Variants in ITPR1 observed in about 807,000 individuals in gnomAD.
The protein encoded by ITPR1 is inositol 1,4,5-trisphosphate-gated calcium channel ITPR1.
A neutral mutation model predicts 318.4 loss-of-function variants in ITPR1; 96 were observed. That is an observed-to-expected ratio of 0.30 (90% CI 0.26 to 0.36). ITPR1 has a LOEUF of 0.36. Among genes scored for constraint, ITPR1 ranks in the 10% least tolerant of loss-of-function variants. The probability of loss-of-function intolerance (pLI) is 1.00; values close to 1 mark genes in which losing one functional copy is unlikely to be tolerated. For missense variants in ITPR1, 2,440 were observed against 3,460.2 expected, an observed-to-expected ratio of 0.71 and a Z score of 7.40; for synonymous variants, 1,312 against 1,289.9, an observed-to-expected ratio of 1.02 and a Z score of -0.37.
chr3:4,701,826 A>G (rs2094658934), intron 35 of ITPR1, among the ~76,000 whole-genome samples: 1 of 152,118 alleles, frequency 6.6e-6, no homozygotes, highest in Non-Finnish European at 1.5e-5. Flanking sequence ...GATTATCTGA[A>G]CCATGTTTAT....
intron 39 of ITPR1, among the ~76,000 whole-genome samples, chr3:4,715,122 A>T (rs1338592673): frequency 6.6e-6 from 1 of 152,182 alleles, no homozygotes; most frequent in Non-Finnish European, 1.5e-5. Flanking sequence ...GAGCTACAGA[A>T]TTTGCCCGGG....
rs145877582 is a variant in ITPR1, at chr3:4,532,538, T to G, written c.163+11444T>G. ...GGCGTGTGTCACCACACCCAGCTAA[T>G]TTTTGTATTTTTTGTAGAGACGGGG... On this transcript the variant is annotated intron_variant, in intron 4 of 61. Transcript: ENST00000649015. Among the ~76,000 whole-genome samples, 999 of 152,174 alleles carry G rather than the reference T, an allele frequency of 6.6e-3. 20 individuals are homozygous for G. Among genetic ancestry groups the G allele is most frequent in the African/African-American group, 0.023 (948 of 41,504 alleles).
Position 4,710,338 on chromosome 3 carries a change from C to G in ITPR1, c.4856C>G (p.Ala1619Gly). 6.4e-7 allele frequency: 1 copy of G among 1,562,414 alleles called. No individual in the cohort carries two copies. Among genetic ancestry groups the G allele is most frequent in the South Asian group, 1.2e-5 (1 of 84,892 alleles). The change falls in exon 38 of 62, where the codon GCG becomes GGG. Residue 1619 changes from alanine to glycine, a missense_variant. Physicochemically the swap from Ala to Gly is moderately conservative, Grantham distance 60. Around this residue, in one of 23 missense-constraint regions of ITPR1, gnomAD observed 166 missense variants for 246.5 expected, o/e 0.67. Transcript: ENST00000649015. This position sits in a 1 kb window ranked among gnomAD's most constrained non-coding sequence, Gnocchi z 4.2. ...TTTCCGTTTTAGGACATCGTCTCCG[C>G]GCTGGAGGACCGTCTCAGGCCCCTG... ...IIERLQDIVSALEDRLRPLVQ... is the reference protein window; with the variant it reads ...IIERLQDIVSGLEDRLRPLVQ...
At chr3:4,738,676 G>T (rs572055720) in intron 44 of ITPR1, among the ~76,000 whole-genome samples, 1 of 152,306 alleles carries the variant, frequency 6.6e-6, no homozygotes, top group Admixed American at 6.5e-5. Flanking sequence ...GATGGTGACG[G>T]CCAGGCACAC....
chr3:4,603,580 C>T (rs1387037232), intron 4 of ITPR1, among the ~76,000 whole-genome samples: 1 of 152,140 alleles, frequency 6.6e-6, no homozygotes, highest in Non-Finnish European at 1.5e-5. Flanking sequence ...CAGGGGCGCG[C>T]CACCACACCT....
intron 10 of ITPR1, among the ~76,000 whole-genome samples, chr3:4,650,474 G>A (rs1298655537): frequency 2.0e-5 from 3 of 152,056 alleles, no homozygotes; most frequent in African/African-American, 7.2e-5. Flanking sequence ...CATCATTTGT[G>A]ATTATTCGAT....
At chr3:4,748,096 G>A (rs1347342756) in intron 44 of ITPR1, among the ~76,000 whole-genome samples, 2 of 152,166 alleles carry the variant, frequency 1.3e-5, no homozygotes, top group East Asian at 3.8e-4. Flanking sequence ...TGGGCTACAT[G>A]GAATAGTCCC....
In ITPR1 at chr3:4,813,238, G is replaced by C. The variant is rs759061652; in HGVS notation, c.7561+4G>C. 6.9e-6 allele frequency: 11 copies of C among 1,598,402 alleles called. No individual in the cohort carries two copies. Among genetic ancestry groups the C allele is most frequent in the Non-Finnish European group, 9.4e-6 (11 of 1,167,764 alleles). ...TCCTCTCCTGCACCCAGAGAAGGTA[G>C]GACCTCCTAACTGTAAGCCCCATGT... On this transcript the variant is annotated splice_donor_region_variant and intron_variant, in intron 57 of 61. Transcript: ENST00000649015.
rs34914994 is a variant in ITPR1 at position 4,577,193 on chromosome 3, C to T, written c.164-50570C>T. ...AGGGCCCTGGGCACATGATGACACA[C>T]GATGGCACAGGACGAGCCACACGGC... On this transcript the variant is annotated intron_variant, in intron 4 of 61. Transcript: ENST00000649015. Among the ~76,000 whole-genome samples the T allele has an allele frequency of 6.4e-3, 971 of 152,290 alleles. 5 individuals are homozygous for T. Among genetic ancestry groups the T allele is most frequent in the Non-Finnish European group, 0.01 (704 of 68,034 alleles).
intron 61 of ITPR1, among the ~76,000 whole-genome samples, chr3:4,839,054 G>A (rs951646226): frequency 5.3e-5 from 8 of 152,234 alleles, no homozygotes; most frequent in Admixed American, 2.6e-4. Flanking sequence ...AGTGCCGGGC[G>A]TGGTGGCTCA....
At chr3:4,736,969 T>C (rs538475605) in intron 44 of ITPR1, among the ~76,000 whole-genome samples, 2 of 152,288 alleles carry the variant, frequency 1.3e-5, no homozygotes, top group East Asian at 3.9e-4. Flanking sequence ...ATGAGGACAA[T>C]GTGGTGAACT....
chr3:4,632,608 A>T (rs780886539), intron 5 of ITPR1, among the ~76,000 whole-genome samples: 1 of 152,224 alleles, frequency 6.6e-6, no homozygotes, highest in South Asian at 2.1e-4. Flanking sequence ...AACTAATTCA[A>T]TTAAGGCTTG....
intron 60 of ITPR1, 106 bp downstream of exon 60, chr3:4,818,348 C>T (rs1308522471): frequency 6.0e-5 from 53 of 879,526 alleles, no homozygotes; most frequent in South Asian, 5.0e-5. Context: ...GAATAACATC[C>T]GATGTTGCCT....
chr3:4,632,084 A>G (rs781357208), intron 5 of ITPR1, among the ~76,000 whole-genome samples: 4 of 152,208 alleles, frequency 2.6e-5, no homozygotes, highest in Non-Finnish European at 5.9e-5. Context: ...TGTCCACTGA[A>G]CATCAGTAGC....
chr3:4,648,382 A>C (rs946519838), intron 10 of ITPR1, among the ~76,000 whole-genome samples: 1 of 152,208 alleles, frequency 6.6e-6, no homozygotes, highest in South Asian at 2.1e-4. Context: ...ATGAAATATC[A>C]GTTGTCAGAT....
At chr3:4,499,360 T>C (rs896108700) in intron 2 of ITPR1, among the ~76,000 whole-genome samples, 4 of 152,190 alleles carry the variant, frequency 2.6e-5, no homozygotes, top group African/African-American at 9.6e-5. Flanking sequence ...ATTTGGTAAA[T>C]TACCTTTTGT....
In ITPR1 at chr3:4,826,487, G is replaced by C. The variant is rs1356511885; in HGVS notation, c.8028+8245G>C. Among the ~76,000 whole-genome samples, 1 of 152,154 alleles carries C rather than the reference G, an allele frequency of 6.6e-6. No individual in the cohort carries two copies. Among genetic ancestry groups the C allele is most frequent in the Non-Finnish European group, 1.5e-5 (1 of 68,026 alleles). On this transcript the variant is annotated intron_variant, in intron 60 of 61. Coordinates refer to ENST00000649015, the MANE Select transcript of ITPR1 (RefSeq NM_001378452.1). The surrounding 1 kb of genome is among the most constrained non-coding windows in gnomAD (Gnocchi z 4.2). Reference sequence around the variant, plus strand: ...AGCAGGGAGGAGTGAAGAGGGATTTGGCACTGGCTTCCCGGTGGCTGGAAA... The same window carrying C: ...AGCAGGGAGGAGTGAAGAGGGATTTCGCACTGGCTTCCCGGTGGCTGGAAA...
chr3:4,554,273 G>A (rs1398636608), intron 4 of ITPR1, among the ~76,000 whole-genome samples: 1 of 152,158 alleles, frequency 6.6e-6, no homozygotes, highest in Non-Finnish European at 1.5e-5. Context: ...TGTGAGCTTA[G>A]CAGTGTATCA....
At chr3:4,811,229 A>G in intron 55 of ITPR1, 36 bp from the exon 56 acceptor site, 5 of 1,450,172 alleles carry the variant, frequency 3.4e-6, no homozygotes, top group Non-Finnish European at 4.6e-6. Flanking sequence ...ATCTAACATC[A>G]AGGCTTCTTA....
Sources: gnomAD v4.1 joint callset for allele counts (sites outside exome capture counted in the v4.1 genomes callset) on GRCh38, gnomAD v4.1.1 for gene constraint, gnomAD v4.1.1 regional missense constraint, Gnocchi (gnomAD v3.1) non-coding constraint, MANE v1.5 for transcripts, NCBI Gene and HGNC (gene_info 2026-07-23, HGNC 2026-07-21) for gene names.